The following ZDHHC17 variants were observed in gnomAD, a reference collection of about 807,000 sequenced individuals.
The protein encoded by ZDHHC17 is zDHHC palmitoyltransferase 17, also known as palmitoyltransferase ZDHHC17.
In ZDHHC17, 40 loss-of-function variants were observed where a neutral mutation model predicts 90.3. The ratio of observed to expected loss-of-function variants is 0.44; its 90% confidence interval spans 0.34 to 0.58. The LOEUF is 0.58. ZDHHC17 is among the 20% of genes least tolerant of loss of function. ZDHHC17 has a pLI of 0.01. For synonymous variants in ZDHHC17, 235 were observed against 252.4 expected, an observed-to-expected ratio of 0.93 and a Z score of 0.65; for missense variants, 614 against 780.8, an observed-to-expected ratio of 0.79 and a Z score of 2.55.
chr12:76,814,239 G>A (rs1244193238), intron 5 of ZDHHC17, among the ~76,000 whole-genome samples: 1 of 151,886 alleles, frequency 6.6e-6, no homozygotes. Flanking sequence ...CGGTTTAATA[G>A]GTGGAAGTTT....
At chr12:76,797,819 C>T (rs1952839132) in intron 2 of ZDHHC17, among the ~76,000 whole-genome samples, 1 of 151,988 alleles carries the variant, frequency 6.6e-6, no homozygotes, top group African/African-American at 2.4e-5. Flanking sequence ...TGGTGGATGC[C>T]TATAATCCCA....
chr12:76,850,673 G>A (rs1953555260), intron 16 of ZDHHC17, among the ~76,000 whole-genome samples, 174 bp from the exon 17 acceptor site: 1 of 152,146 alleles, frequency 6.6e-6, no homozygotes, highest in Non-Finnish European at 1.5e-5. Flanking sequence ...GCAGAGCAGT[G>A]GAGAAACATG....
intron 7 of ZDHHC17, among the ~76,000 whole-genome samples, chr12:76,816,282 G>A (rs1389468415): frequency 6.6e-6 from 1 of 151,812 alleles, no homozygotes; most frequent in Non-Finnish European, 1.5e-5. Context: ...CACCATGGTG[G>A]ACTAATCCAG....
intron 2 of ZDHHC17, among the ~76,000 whole-genome samples, chr12:76,801,719 G>GA (rs1952893994): frequency 6.6e-6 from 1 of 152,214 alleles, no homozygotes; most frequent in South Asian, 2.1e-4. Flanking sequence ...AATTTATACA[G>GA]ATTAATGCCA....
intron 2 of ZDHHC17, among the ~76,000 whole-genome samples, chr12:76,802,870 T>A (rs761595537): frequency 1.3e-5 from 2 of 152,222 alleles, no homozygotes; most frequent in Non-Finnish European, 2.9e-5. Flanking sequence ...GCAAAAGTGG[T>A]ACATATTCAG....
intron 1 of ZDHHC17, among the ~76,000 whole-genome samples, chr12:76,787,258 A>G (rs987470276): frequency 1.3e-5 from 2 of 152,286 alleles, no homozygotes; most frequent in East Asian, 3.9e-4. Context: ...TAATATTATC[A>G]TCAACTAGGA....
intron 1 of ZDHHC17, among the ~76,000 whole-genome samples, chr12:76,788,886 G>A (rs1489274234): frequency 6.6e-6 from 1 of 151,640 alleles, no homozygotes; most frequent in African/African-American, 2.4e-5. Flanking sequence ...AGTAGAGACG[G>A]GGTTTTCTCC....
intron 5 of ZDHHC17, among the ~76,000 whole-genome samples, chr12:76,814,004 C>T (rs11115533): frequency 0.011 from 1,683 of 152,062 alleles, 11 homozygotes; most frequent in Non-Finnish European, 0.017. Context: ...AAATGGTTTT[C>T]GATCATCTAC....
chr12:76,808,340 T>G (rs1257844018), intron 3 of ZDHHC17, among the ~76,000 whole-genome samples: 1 of 152,180 alleles, frequency 6.6e-6, no homozygotes, highest in Non-Finnish European at 1.5e-5. Flanking sequence ...GCTATCAAGA[T>G]GCTATGACAG....
intron 10 of ZDHHC17, 106 bp downstream of exon 10, chr12:76,828,596 TAA>T: frequency 1.1e-6 from 1 of 874,510 alleles, no homozygotes; most frequent in South Asian, 2.1e-5. Context: ...CATAATACAT[TAA>T]AATAGTGTTC....
chr12:76,769,977 A>G (rs1258212251), intron 1 of ZDHHC17, among the ~76,000 whole-genome samples: 1 of 152,172 alleles, frequency 6.6e-6, no homozygotes, highest in African/African-American at 2.4e-5. Context: ...GAGTTGGTGG[A>G]TATAAGAGTA....
chr12:76,800,924 A>G (rs144916727), intron 2 of ZDHHC17, among the ~76,000 whole-genome samples: 19 of 121,552 alleles, frequency 1.6e-4, no homozygotes, highest in South Asian at 7.4e-4. Flanking sequence ...GTCTTGCTCT[A>G]TCGCCTAGGC....
chr12:76,801,600 G>A (rs2137751696), intron 2 of ZDHHC17, among the ~76,000 whole-genome samples: 1 of 152,146 alleles, frequency 6.6e-6, no homozygotes, highest in East Asian at 1.9e-4. Context: ...CTTGCAGTGA[G>A]CCGAGATCGC....
intron 1 of ZDHHC17, among the ~76,000 whole-genome samples, chr12:76,789,640 T>C (rs1356709116): frequency 6.6e-6 from 1 of 151,946 alleles, no homozygotes; most frequent in Non-Finnish European, 1.5e-5. Context: ...ACTATGATTA[T>C]AGACTATATA....
Position 76,846,684 on chromosome 12 carries a change from G to A in ZDHHC17, c.1507+5G>A. ...TGATTTATGGTTGTATATCTTGTGA[G>A]TACAATTAGTTTTCGGTCTTTTTAA... On this transcript the variant is annotated splice_donor_5th_base_variant and intron_variant, in intron 14 of 16. Transcript: ENST00000426126. 6.3e-7 allele frequency: 1 copy of A among 1,599,748 alleles called. No individual in the cohort carries two copies. The highest frequency in any genetic ancestry group is 8.5e-7 in the Non-Finnish European group (1 of 1,170,956).
intron 1 of ZDHHC17, among the ~76,000 whole-genome samples, chr12:76,773,580 C>G (rs1952521184): frequency 6.6e-6 from 1 of 152,082 alleles, no homozygotes; most frequent in Non-Finnish European, 1.5e-5. Flanking sequence ...GAAACAGATT[C>G]AAGAGAGGTG....
chr12:76,827,062 G>GT lies in ZDHHC17; in HGVS notation c.1040+17dup. On this transcript the variant is annotated intron_variant, in intron 9 of 16. Coordinates refer to ENST00000426126, the MANE Select transcript of ZDHHC17 (RefSeq NM_015336.4). ...CAGTTTCTTTCAAAGTAAGTGTGTT[G>GT]TTTTTAACTATATTTTAAACTGTAC... 18 of 1,545,294 alleles carry GT rather than the reference G, an allele frequency of 1.2e-5. No individual in the cohort carries two copies. The highest frequency in any genetic ancestry group is 1.5e-5 in the Non-Finnish European group (17 of 1,157,600).
intron 1 of ZDHHC17, among the ~76,000 whole-genome samples, chr12:76,793,169 T>C (rs1952779477): frequency 6.6e-6 from 1 of 152,242 alleles, no homozygotes; most frequent in Non-Finnish European, 1.5e-5. Flanking sequence ...CTAAATTTAA[T>C]TTGCTTAAAG....
Position 76,851,547 on chromosome 12 carries a change from A to G in ZDHHC17, c.*562A>G, listed in dbSNP as rs976678149. The G allele has an allele frequency of 5.9e-5, 9 of 152,904 alleles. No individual in the cohort carries two copies. Among genetic ancestry groups the G allele is most frequent in the African/African-American group, 2.2e-4 (9 of 41,468 alleles). 9.5% of individuals were successfully genotyped at this position (152,904 alleles called of 1,614,324 possible). A position where few individuals can be genotyped will look rare whatever the true frequency, so the allele number is the denominator to read the frequency against. The stretch of plus-strand genomic sequence containing the variant: ...AAGGCAGGAGAAAATAATGTTCACA[A>G]TAAAATGTGCTAACAATGTTTTGTT... On this transcript the variant is annotated 3_prime_UTR_variant, in exon 17 of 17. Coordinates refer to ENST00000426126, the MANE Select transcript of ZDHHC17 (RefSeq NM_015336.4).
Sources: allele counts gnomAD v4.1 joint callset (sites outside exome capture counted in the v4.1 genomes callset), GRCh38; gene constraint gnomAD v4.1.1; transcripts MANE v1.5; gene names NCBI Gene and HGNC (gene_info 2026-07-23, HGNC 2026-07-21).